Variants in PACRG observed in about 807,000 individuals in gnomAD.
PACRG encodes parkin coregulated.
In PACRG, 29 loss-of-function variants were observed where a neutral mutation model predicts 29.7. The observed-to-expected ratio is 0.98, with a 90% CI of 0.73 to 1.33. The LOEUF is 1.33. Among genes scored for constraint, PACRG ranks in the 40% most tolerant of loss-of-function variants. The pLI, the probability that PACRG is intolerant of heterozygous loss-of-function variation, is 0.00. For synonymous variants in PACRG, 116 were observed against 118.7 expected, an observed-to-expected ratio of 0.98 and a Z score of 0.15; for missense variants, 279 against 316.2, an observed-to-expected ratio of 0.88 and a Z score of 0.89.
intron 2 of PACRG, among the ~76,000 whole-genome samples, chr6:162,947,349 A>ATATGATATATAT (rs1491156729): frequency 4.8e-5 from 2 of 41,760 alleles, no homozygotes; most frequent in African/African-American, 2.1e-4. Context: ...TATAATGATT[A>ATATGATATATAT]CATATATATA....
intron 2 of PACRG, among the ~76,000 whole-genome samples, chr6:162,832,056 G>C (rs891666658): frequency 6.6e-6 from 1 of 152,142 alleles, no homozygotes; most frequent in Non-Finnish European, 1.5e-5. Flanking sequence ...ATGTATGTCT[G>C]GCTCTAGGTC....
chr6:162,748,553 C>A (rs778097875), intron 1 of PACRG, among the ~76,000 whole-genome samples: 14 of 152,090 alleles, frequency 9.2e-5, no homozygotes, highest in Non-Finnish European at 1.5e-5. Context: ...AGTGGAAAAT[C>A]CATATCATCA....
intron 4 of PACRG, among the ~76,000 whole-genome samples, chr6:163,263,920 C>A (rs954177414): frequency 6.6e-6 from 1 of 152,156 alleles, no homozygotes; most frequent in Non-Finnish European, 1.5e-5. Flanking sequence ...TACTAACACA[C>A]CATTTTTGTG....
At chr6:162,971,373 G>A (rs1224263791) in intron 2 of PACRG, among the ~76,000 whole-genome samples, 2 of 152,208 alleles carry the variant, frequency 1.3e-5, no homozygotes, top group Non-Finnish European at 2.9e-5. Flanking sequence ...TATAGAGCCA[G>A]CACTGATCAA....
At chr6:163,234,249 G>GGTGTGTT (rs767247331) in intron 4 of PACRG, among the ~76,000 whole-genome samples, 43 of 13,806 alleles carry the variant, frequency 3.1e-3, no homozygotes, top group African/African-American at 6.7e-3. Context: ...CCTGGTGGGA[G>GGTGTGTT]GGTCATGGGG....
intron 3 of PACRG, among the ~76,000 whole-genome samples, chr6:163,088,170 A>C (rs1468459253): frequency 2.0e-5 from 3 of 152,208 alleles, no homozygotes; most frequent in Non-Finnish European, 4.4e-5. Flanking sequence ...GGACTGCCTC[A>C]GAGATGTATT....
chr6:162,729,778 A>G (rs776071242), intron 1 of PACRG, among the ~76,000 whole-genome samples: 1 of 151,572 alleles, frequency 6.6e-6, no homozygotes, highest in Admixed American at 6.6e-5. Flanking sequence ...TTCTTGTATC[A>G]TATTAATTCT....
intron 4 of PACRG, among the ~76,000 whole-genome samples, chr6:163,240,019 TACAC>T (rs1211332112): frequency 5.2e-5 from 6 of 114,820 alleles, no homozygotes; most frequent in South Asian, 6.1e-4. Flanking sequence ...CACATACACA[TACAC>T]ACACCCTCAC....
chr6:163,000,533 G>A (rs1804492685), intron 2 of PACRG, among the ~76,000 whole-genome samples: 1 of 152,136 alleles, frequency 6.6e-6, no homozygotes, highest in Non-Finnish European at 1.5e-5. Context: ...AGCCTTTGCA[G>A]AGAAACTGAT....
intron 1 of PACRG, among the ~76,000 whole-genome samples, chr6:162,762,346 T>A (rs1278148671): frequency 6.6e-6 from 1 of 152,192 alleles, no homozygotes; most frequent in African/African-American, 2.4e-5. Context: ...AAGGCATGTT[T>A]CTCTTCTGTG....
At chr6:162,947,483 T>G (rs1174212597) in intron 2 of PACRG, among the ~76,000 whole-genome samples, 1 of 122,680 alleles carries the variant, frequency 8.2e-6, no homozygotes. Context: ...ATATATATAA[T>G]CATATATATA....
chr6:162,881,921 C>A (rs1226195985), intron 2 of PACRG, among the ~76,000 whole-genome samples: 11 of 124,200 alleles, frequency 8.9e-5, no homozygotes, highest in Non-Finnish European at 1.3e-4. Flanking sequence ...CCACCAAGAT[C>A]GGAGACCACA....
At chr6:162,750,692 T>C (rs1278635843) in intron 1 of PACRG, among the ~76,000 whole-genome samples, 1 of 152,206 alleles carries the variant, frequency 6.6e-6, no homozygotes, top group Non-Finnish European at 1.5e-5. Flanking sequence ...CATCAGTAAA[T>C]AAGACTACTG....
At chr6:163,177,520 G>A (rs1028018812) in intron 4 of PACRG, among the ~76,000 whole-genome samples, 1 of 151,962 alleles carries the variant, frequency 6.6e-6, no homozygotes, top group East Asian at 1.9e-4. Flanking sequence ...AAAAGACCAA[G>A]CGTGAAGAAA....
intron 4 of PACRG, among the ~76,000 whole-genome samples, chr6:163,089,841 G>A (rs993363033): frequency 7.2e-5 from 11 of 152,058 alleles, no homozygotes; most frequent in Non-Finnish European, 1.5e-4. Context: ...TCTGGTAAAT[G>A]GTTTTGATGA....
intron 2 of PACRG, among the ~76,000 whole-genome samples, chr6:162,907,755 A>T (rs1279474711): frequency 6.6e-6 from 1 of 152,178 alleles, no homozygotes; most frequent in Non-Finnish European, 1.5e-5. Flanking sequence ...CATAAATACT[A>T]TGGAAGCTAT....
At chr6:163,062,377 A>C in intron 3 of PACRG, 56 bp downstream of exon 3, 1 of 1,512,538 alleles carries the variant, frequency 6.6e-7, no homozygotes, top group African/African-American at 1.4e-5. Context: ...CTTTTTGACA[A>C]CTTGCTAATT....
intron 2 of PACRG, among the ~76,000 whole-genome samples, chr6:163,036,221 C>A (rs1808173822): frequency 6.6e-6 from 1 of 152,184 alleles, no homozygotes; most frequent in African/African-American, 2.4e-5. Context: ...TATTTTATCT[C>A]TCTATATGTT....
At chr6:162,892,684 G>A (rs1011202347) in intron 2 of PACRG, among the ~76,000 whole-genome samples, 1 of 152,178 alleles carries the variant, frequency 6.6e-6, no homozygotes, top group African/African-American at 2.4e-5. Flanking sequence ...CCCCCCTACA[G>A]TGGTTCACAC....
Sources: gnomAD v4.1 joint callset for allele counts (sites outside exome capture counted in the v4.1 genomes callset) on GRCh38, gnomAD v4.1.1 for gene constraint, MANE v1.5 for transcripts, NCBI Gene and HGNC (gene_info 2026-07-23, HGNC 2026-07-21) for gene names.